The following WWOX variants were observed in gnomAD, a reference collection of about 807,000 sequenced individuals.
WWOX encodes WW domain-containing oxidoreductase.
WWOX carries 69 observed loss-of-function variants against 46.2 expected under a neutral mutation model. The observed-to-expected ratio is 1.49, with a 90% CI of 1.23 to 1.82. The LOEUF (loss-of-function observed/expected upper bound fraction) is 1.82, where lower values mean the gene tolerates loss of function less well. Ranked by LOEUF, WWOX falls within the 40% of genes most tolerant of loss-of-function variation. WWOX has a pLI of 0.00. For missense variants in WWOX, 919 were observed against 542.6 expected (o/e 1.69, Z -6.89); for synonymous variants, 359 against 202.6 (o/e 1.77, Z -6.56).
chr16:78,499,738 C>T (rs776315702), intron 8 of WWOX, among the ~76,000 whole-genome samples: 2 of 152,106 alleles, frequency 1.3e-5, no homozygotes, highest in African/African-American at 4.8e-5. Context: ...GTATCCAGCC[C>T]AGGACTTGAC....
rs1169571927 is a variant in WWOX at position 79,211,936 on chromosome 16, GAAAA to G, written c.*142_*145del. The G allele has an allele frequency of 2.6e-6, 4 of 1,538,028 alleles. No individual in the cohort carries two copies. Among genetic ancestry groups the G allele is most frequent in the Admixed American group, 2.0e-5 (1 of 51,016 alleles). On this transcript the variant is annotated 3_prime_UTR_variant, in exon 9 of 9. Coordinates refer to ENST00000566780, the MANE Select transcript of WWOX (RefSeq NM_016373.4). ...GAAATAAGAGCAGTCACAACAGAGT[GAAAA>G]ATCTTAAGTACCAATGGGAAGCAGG...
chr16:78,618,798 C>T lies in WWOX; in HGVS notation c.1056+186046C>T, dbSNP rs534948329. On this transcript the variant is annotated intron_variant, in intron 8 of 8. Coordinates refer to ENST00000566780, the MANE Select transcript of WWOX (RefSeq NM_016373.4). Reference sequence around the variant, plus strand: ...AGAGGAGGAGAAGGAAGCTTGGAGTCGCTGCCCTGTGGCCTGAATTGGTCA... The same window carrying T: ...AGAGGAGGAGAAGGAAGCTTGGAGTTGCTGCCCTGTGGCCTGAATTGGTCA... Among the ~76,000 whole-genome samples, 3 of 151,890 alleles carry T rather than the reference C, an allele frequency of 2.0e-5. No homozygotes were observed. In the East Asian group the frequency reaches 5.9e-4, roughly 30 times the overall value.
At chr16:78,728,490 T>A (rs527733968) in intron 8 of WWOX, among the ~76,000 whole-genome samples, 1 of 152,322 alleles carries the variant, frequency 6.6e-6, no homozygotes, top group East Asian at 1.9e-4. Flanking sequence ...CTCACTTCTT[T>A]TCCTGCATTC....
chr16:78,193,884 T>G (rs967757524), intron 5 of WWOX, among the ~76,000 whole-genome samples: 5 of 151,464 alleles, frequency 3.3e-5, no homozygotes, highest in African/African-American at 1.2e-4. Flanking sequence ...CTATTTTTTA[T>G]TTTTATTTTT....
intron 8 of WWOX, among the ~76,000 whole-genome samples, chr16:78,602,921 T>A (rs2045656776): frequency 6.6e-6 from 1 of 152,194 alleles, no homozygotes; most frequent in African/African-American, 2.4e-5. Flanking sequence ...ATACACTTTT[T>A]ACTTGTCATT....
intron 8 of WWOX, among the ~76,000 whole-genome samples, chr16:78,443,277 C>G (rs1222067627): frequency 6.6e-6 from 1 of 151,884 alleles, no homozygotes; most frequent in African/African-American, 2.4e-5. Context: ...TGCACTCCAG[C>G]CTGGGTGACA....
intron 5 of WWOX, among the ~76,000 whole-genome samples, chr16:78,236,967 A>G (rs2037461172): frequency 6.6e-6 from 1 of 150,880 alleles, no homozygotes; most frequent in South Asian, 2.1e-4. Flanking sequence ...CCAGCTACTC[A>G]GGAGGCTGAG....
chr16:78,688,422 C>G (rs778018990), intron 8 of WWOX, among the ~76,000 whole-genome samples: 3 of 151,060 alleles, frequency 2.0e-5, no homozygotes, highest in Admixed American at 6.6e-5. Flanking sequence ...TCCTGATGCA[C>G]TAAGTCTCAT....
rs56796448 is a variant in WWOX, at chr16:78,188,285, C to T, written c.516+23996C>T. Among the ~76,000 whole-genome samples the T allele has an allele frequency of 8.7e-3, 1,329 of 152,032 alleles. 23 individuals carry two copies. Among genetic ancestry groups the T allele is most frequent in the African/African-American group, 0.03 (1,261 of 41,460 alleles). On this transcript the variant is annotated intron_variant, in intron 5 of 8. Coordinates refer to ENST00000566780, the MANE Select transcript of WWOX (RefSeq NM_016373.4). ...CGGGCAGATCACGAGGTCAGGAGAT[C>T]GAGACCATCCTGGCTAACACGGTGA...
At chr16:78,189,143 C>G (rs2035801515) in intron 5 of WWOX, among the ~76,000 whole-genome samples, 1 of 152,116 alleles carries the variant, frequency 6.6e-6, no homozygotes, top group African/African-American at 2.4e-5. Context: ...AGGTCTGAGC[C>G]AAGCCAGAAA....
At chr16:78,798,234 T>G (rs1405730063) in intron 8 of WWOX, among the ~76,000 whole-genome samples, 1 of 152,004 alleles carries the variant, frequency 6.6e-6, no homozygotes, top group African/African-American at 2.4e-5. Context: ...TAATCCAAAC[T>G]GAAGTTATGC....
intron 8 of WWOX, among the ~76,000 whole-genome samples, chr16:78,571,162 G>C (rs1360053878): frequency 6.6e-6 from 1 of 152,222 alleles, no homozygotes; most frequent in Non-Finnish European, 1.5e-5. Flanking sequence ...CACTGAGGAA[G>C]AAAGGGGCAG....
intron 8 of WWOX, chr16:78,552,618 A>G (rs996823417): frequency 6.6e-6 from 1 of 152,212 alleles, no homozygotes; most frequent in African/African-American, 2.4e-5. Flanking sequence ...TACGGCATCC[A>G]CGCGTGTCTT....
In WWOX at chr16:78,850,442, A is replaced by C. The variant is rs2052413536; in HGVS notation, c.1057-361166A>C. The stretch of plus-strand genomic sequence containing the variant: ...AAATATCAGCTAGATAAAAGCTGTC[A>C]AGTGATAGAAAGTCCTTATAGCTCA... On this transcript the variant is annotated intron_variant, in intron 8 of 8. Transcript: ENST00000566780. 2.0e-5 allele frequency among the ~76,000 whole-genome samples: 3 copies of C among 152,232 alleles called. No homozygotes were observed. In the South Asian group the frequency reaches 6.2e-4, roughly 32 times the overall value.
intron 8 of WWOX, among the ~76,000 whole-genome samples, chr16:78,481,764 T>TGTGTGTGTGC (rs149940474): frequency 8.6e-4 from 127 of 148,016 alleles, no homozygotes; most frequent in African/African-American, 2.0e-3. Flanking sequence ...TGTGTGTGTG[T>TGTGTGTGTGC]GCGCGCGCCT....
intron 8 of WWOX, among the ~76,000 whole-genome samples, chr16:79,073,117 T>C (rs186827905): frequency 6.6e-6 from 1 of 151,058 alleles, no homozygotes; most frequent in Admixed American, 6.6e-5. Context: ...TAAAAGAGCT[T>C]TCTATCGCTT....
Position 78,432,586 on chromosome 16 carries a change from A to C in WWOX, c.890A>C (p.Lys297Thr). ...GCGATGCTGGCTTATAACAGGTCCA[A>C]GCTCTGCAACATCCTCTTCTCCAAC... ...YWAMLAYNRS[K>T]LCNILFSNEL... Residue 297 changes from lysine (K) to threonine (T), a missense_variant, in exon 8 of 9, where the codon AAG (lysine) becomes ACG (threonine). Lys to Thr is a moderately conservative substitution (Grantham distance 78). Transcript: ENST00000566780. The C allele has an allele frequency of 6.2e-7, 1 of 1,614,218 alleles. No individual in the cohort carries two copies. The highest frequency in any genetic ancestry group is 2.2e-5 in the East Asian group (1 of 44,874).
intron 8 of WWOX, among the ~76,000 whole-genome samples, chr16:78,602,535 T>C (rs1567428447): frequency 6.6e-6 from 1 of 152,154 alleles, no homozygotes; most frequent in Non-Finnish European, 1.5e-5. Context: ...CCCGGCCTCT[T>C]CTCGATAGAT....
At chr16:78,954,820 C>T (rs569492156) in intron 8 of WWOX, among the ~76,000 whole-genome samples, 4 of 152,222 alleles carry the variant, frequency 2.6e-5, no homozygotes, top group East Asian at 3.9e-4. Context: ...GACAGAGTCT[C>T]GTTCTGTCAC....
Sources: allele counts gnomAD v4.1 joint callset (sites outside exome capture counted in the v4.1 genomes callset), GRCh38; gene constraint gnomAD v4.1.1; transcripts MANE v1.5; gene names NCBI Gene and HGNC (gene_info 2026-07-23, HGNC 2026-07-21).